Variants in CORO2B observed in about 807,000 individuals in gnomAD.
CORO2B encodes the protein coronin 2B, also known as coronin-2B.
CORO2B carries 26 observed loss-of-function variants against 58.8 expected under a neutral mutation model. The ratio of observed to expected loss-of-function variants is 0.44; its 90% CI spans 0.32 to 0.61. The LOEUF is 0.61. Among genes scored for constraint, CORO2B ranks in the 20% least tolerant of loss-of-function variants. The probability of loss-of-function intolerance (pLI) is 0.04; values close to 1 mark genes in which losing one functional copy is unlikely to be tolerated. For synonymous variants in CORO2B, 242 were observed against 253.8 expected (o/e 0.95, Z 0.44); for missense variants, 460 against 645.1 (o/e 0.71, Z 3.11).
intron 1 of CORO2B, among the ~76,000 whole-genome samples, chr15:68,588,705 A>G (rs1042575681): frequency 6.6e-6 from 1 of 152,238 alleles, no homozygotes; most frequent in Non-Finnish European, 1.5e-5. Context: ...GCAGCAAATC[A>G]TTTAAACACC....
At chr15:68,591,604 C>G (rs1899709739) in intron 1 of CORO2B, among the ~76,000 whole-genome samples, 1 of 152,198 alleles carries the variant, frequency 6.6e-6, no homozygotes, top group Non-Finnish European at 1.5e-5. Context: ...TGGACATTCT[C>G]AAAGCCTATG....
chr15:68,673,705 C>T (rs891739480), intron 2 of CORO2B, among the ~76,000 whole-genome samples: 2 of 151,914 alleles, frequency 1.3e-5, no homozygotes, highest in African/African-American at 4.8e-5. Context: ...GGCGTGGTGG[C>T]ATGCGCCTGT....
chr15:68,637,825 T>C (rs1901080166), intron 1 of CORO2B, among the ~76,000 whole-genome samples: 1 of 152,190 alleles, frequency 6.6e-6, no homozygotes, highest in Admixed American at 6.5e-5. Context: ...CCCCCTCACC[T>C]GAGTCAGAAA....
chr15:68,591,400 G>A (rs75657868), intron 1 of CORO2B, among the ~76,000 whole-genome samples: 1,688 of 152,330 alleles, frequency 0.011, 33 homozygotes, highest in African/African-American at 0.038. Flanking sequence ...GGCTGGAAAT[G>A]GAGGGGCTGT....
chr15:68,703,154 T>C (rs112560753), intron 3 of CORO2B, among the ~76,000 whole-genome samples: 4,424 of 92,686 alleles, frequency 0.048, 210 homozygotes, highest in African/African-American at 0.12. Context: ...TTTTTTCTTT[T>C]TTTTTTTTTT....
the CORO2B span, among the ~76,000 whole-genome samples, chr15:68,572,476 G>A: frequency 1.3e-5 from 2 of 152,234 alleles, no homozygotes; most frequent in Admixed American, 6.5e-5. Flanking sequence ...AGAGATGGAA[G>A]GTGAAAACAA....
chr15:68,545,137 G>A, the CORO2B span, among the ~76,000 whole-genome samples: 1 of 152,162 alleles, frequency 6.6e-6, no homozygotes, highest in Non-Finnish European at 1.5e-5. Flanking sequence ...CCACATGAAG[G>A]CTGCAGGGCA....
At chr15:68,709,459 G>GTTT (rs57604810) in intron 3 of CORO2B, among the ~76,000 whole-genome samples, 3 of 99,042 alleles carry the variant, frequency 3.0e-5, no homozygotes, top group African/African-American at 1.1e-4. Flanking sequence ...TTTTTTTCGT[G>GTTT]TTTTTTTTTT....
intron 7 of CORO2B, 24 bp from the exon 8 acceptor site, chr15:68,715,191 C>T: frequency 1.2e-6 from 2 of 1,607,720 alleles, no homozygotes; most frequent in Non-Finnish European, 1.7e-6. Context: ...CCACCTTCCT[C>T]AACTCCATCT....
chr15:68,640,272 G>A (rs1235810092), intron 1 of CORO2B, among the ~76,000 whole-genome samples: 1 of 152,208 alleles, frequency 6.6e-6, no homozygotes, highest in Non-Finnish European at 1.5e-5. Flanking sequence ...GACCAGGTGT[G>A]TGCTCACACA....
the CORO2B span, among the ~76,000 whole-genome samples, chr15:68,552,477 T>G: frequency 1.6e-3 from 201 of 124,666 alleles, no homozygotes; most frequent in Middle Eastern, 4.2e-3. Context: ...CGCGGGGGGG[T>G]GGGGGGGGCA....
intron 1 of CORO2B, chr15:68,616,488 C>A: frequency 1.0e-6 from 1 of 964,996 alleles, no homozygotes; most frequent in Non-Finnish European, 1.2e-6. Context: ...GGCCTGCTGG[C>A]TTTACTGCCA....
chr15:68,555,111 C>A, the CORO2B span, among the ~76,000 whole-genome samples: 2 of 152,160 alleles, frequency 1.3e-5, no homozygotes, highest in African/African-American at 2.4e-5. Context: ...CAACCCTCTC[C>A]TAGGGTCCCG....
At chr15:68,684,608 C>A (rs1209949860) in intron 2 of CORO2B, among the ~76,000 whole-genome samples, 1 of 152,270 alleles carries the variant, frequency 6.6e-6, no homozygotes, top group African/African-American at 2.4e-5. Context: ...TGAAGGACAT[C>A]CATGTTTAGG....
chr15:68,718,945 G>A, intron 9 of CORO2B, 135 bp downstream of exon 9: 2 of 873,780 alleles, frequency 2.3e-6, no homozygotes, highest in Non-Finnish European at 3.7e-6. Context: ...AATTTGGGGT[G>A]AGGGGCATTC....
chr15:68,609,227 G>T (rs1214252077), intron 1 of CORO2B, among the ~76,000 whole-genome samples: 1 of 152,192 alleles, frequency 6.6e-6, no homozygotes, highest in African/African-American at 2.4e-5. Flanking sequence ...TGGTGGTGGT[G>T]GTTGGGGGGA....
chr15:68,574,844 A>C (rs1899248759), upstream of CORO2B, among the ~76,000 whole-genome samples: 1 of 152,222 alleles, frequency 6.6e-6, no homozygotes, highest in South Asian at 2.1e-4. Flanking sequence ...TGGGCTTTGA[A>C]AGATGAATAG....
At chr15:68,662,228 T>G (rs1251453776) in intron 2 of CORO2B, among the ~76,000 whole-genome samples, 1 of 152,202 alleles carries the variant, frequency 6.6e-6, no homozygotes. Context: ...TTTAGATCGT[T>G]CAACTTCCTT....
chr15:68,625,996 G>T (rs891853693), intron 1 of CORO2B, among the ~76,000 whole-genome samples: 1 of 152,194 alleles, frequency 6.6e-6, no homozygotes, highest in East Asian at 1.9e-4. Context: ...TCCTGTGGAT[G>T]TGCCACAGCT....
Sources: allele counts gnomAD v4.1 joint callset (sites outside exome capture counted in the v4.1 genomes callset), GRCh38; gene constraint gnomAD v4.1.1; transcripts MANE v1.5; gene names NCBI Gene and HGNC (gene_info 2026-07-23, HGNC 2026-07-21).